The following RANBP2 variants were observed in gnomAD, a reference collection of about 807,000 sequenced individuals.
RANBP2 encodes E3 SUMO-protein ligase RanBP2.
Under a neutral mutation model 303.6 loss-of-function variants are expected in RANBP2, and 57 were observed. That is an observed-to-expected ratio of 0.19 (90% CI 0.15 to 0.23). RANBP2 has a LOEUF of 0.23. RANBP2 is among the 10% of genes least tolerant of loss of function. The pLI is 1.00. For synonymous variants in RANBP2, 1,167 were observed against 1,301.5 expected, an observed-to-expected ratio of 0.90 and a Z score of 2.23; for missense variants, 3,138 against 3,780.8, an observed-to-expected ratio of 0.83 and a Z score of 4.46.
chr2:109,544,373 A>G, the RANBP2 span: 1 of 1,552,366 alleles, frequency 6.4e-7, no homozygotes, highest in Non-Finnish European at 8.6e-7. Context: ...AAAAAATTCA[A>G]GTAAAAATTA....
chr2:109,103,489 G>T, the RANBP2 span, among the ~76,000 whole-genome samples: 1 of 152,206 alleles, frequency 6.6e-6, no homozygotes, highest in Non-Finnish European at 1.5e-5. Flanking sequence ...AGGCGGGTGG[G>T]GTGGGGGCTC....
At chr2:109,696,759 A>G in the RANBP2 span, among the ~76,000 whole-genome samples, 1 of 152,176 alleles carries the variant, frequency 6.6e-6, no homozygotes, top group Non-Finnish European at 1.5e-5. Context: ...ATTCATGAAC[A>G]TGGTACACCT....
the RANBP2 span, among the ~76,000 whole-genome samples, chr2:109,241,680 C>A: frequency 6.6e-6 from 1 of 152,116 alleles, no homozygotes; most frequent in South Asian, 2.1e-4. Flanking sequence ...GCAGTTCTCT[C>A]CCCCAGTCCC....
intron 25 of RANBP2, 36 bp downstream of exon 25, chr2:108,777,267 T>TA: frequency 7.6e-6 from 12 of 1,575,380 alleles, no homozygotes; most frequent in Non-Finnish European, 1.0e-5. Flanking sequence ...ATGACATTGT[T>TA]ACAGAATCAA....
the RANBP2 span, among the ~76,000 whole-genome samples, chr2:109,607,619 ATC>A: frequency 1.3e-5 from 2 of 152,178 alleles, no homozygotes; most frequent in African/African-American, 2.4e-5. Context: ...TAAAAATTAA[ATC>A]TGTTATTAAT....
the RANBP2 span, among the ~76,000 whole-genome samples, chr2:109,117,767 G>A: frequency 6.6e-6 from 1 of 152,214 alleles, no homozygotes; most frequent in Non-Finnish European, 1.5e-5. Flanking sequence ...GTTCCTATTC[G>A]GCCATCTTGG....
chr2:109,551,671 C>T, the RANBP2 span, among the ~76,000 whole-genome samples: 22 of 152,244 alleles, frequency 1.4e-4, no homozygotes, highest in Admixed American at 9.2e-4. Context: ...CATCAAAATT[C>T]GCATTATAAA....
chr2:109,721,914 G>A, the RANBP2 span, among the ~76,000 whole-genome samples: 158 of 152,320 alleles, frequency 1.0e-3, no homozygotes, highest in Middle Eastern at 3.4e-3. Flanking sequence ...TGGTCTCCAC[G>A]GAGCCCACTT....
At chr2:108,793,041 G>A in the RANBP2 span, among the ~76,000 whole-genome samples, 1 of 149,280 alleles carries the variant, frequency 6.7e-6, no homozygotes, top group Admixed American at 6.7e-5. Flanking sequence ...TCCAGTCTGG[G>A]CGACAGAGAG....
At chr2:108,995,191 T>C in the RANBP2 span, among the ~76,000 whole-genome samples, 11 of 152,194 alleles carry the variant, frequency 7.2e-5, no homozygotes, top group Non-Finnish European at 1.2e-4. Flanking sequence ...GACAGGGTCT[T>C]GCTCCATCAC....
chr2:109,281,974 G>A, the RANBP2 span, among the ~76,000 whole-genome samples: 3 of 152,114 alleles, frequency 2.0e-5, no homozygotes, highest in Non-Finnish European at 1.5e-5. Flanking sequence ...CAATGGCCGA[G>A]CGCTGGGCCA....
chr2:109,278,824 G>T, the RANBP2 span, among the ~76,000 whole-genome samples: 88 of 152,288 alleles, frequency 5.8e-4, no homozygotes, highest in South Asian at 1.7e-3. Context: ...ATCGGCCAAG[G>T]CAAATCGTGG....
the RANBP2 span, among the ~76,000 whole-genome samples, chr2:109,591,790 T>C: frequency 6.6e-6 from 1 of 151,894 alleles, no homozygotes; most frequent in African/African-American, 2.4e-5. Context: ...CATAGCTATT[T>C]GGGGGGCTGA....
the RANBP2 span, among the ~76,000 whole-genome samples, chr2:109,120,579 G>A: frequency 1.5e-4 from 22 of 146,488 alleles, no homozygotes; most frequent in African/African-American, 5.6e-4. Context: ...TTTCCTTCCA[G>A]TTCACGTCCA....
chr2:109,487,945 G>A, the RANBP2 span, among the ~76,000 whole-genome samples: 2 of 152,366 alleles, frequency 1.3e-5, no homozygotes, highest in East Asian at 3.9e-4. Context: ...TGATTCTAGA[G>A]GGGAGCCTAG....
At chr2:109,593,154 G>T in the RANBP2 span, 1 of 1,431,870 alleles carries the variant, frequency 7.0e-7, no homozygotes, top group Non-Finnish European at 9.7e-7. Flanking sequence ...AAAGGAAACA[G>T]AAACATTACT....
intron 5 of RANBP2, 72 bp downstream of exon 5, chr2:108,735,834 C>T (rs1695536231): frequency 6.3e-7 from 1 of 1,596,574 alleles, no homozygotes; most frequent in Non-Finnish European, 8.5e-7. Context: ...ACTAAAGCAG[C>T]AGTGCCCCGC....
chr2:108,890,409 A>T, the RANBP2 span, among the ~76,000 whole-genome samples: 1 of 151,616 alleles, frequency 6.6e-6, no homozygotes, highest in East Asian at 1.9e-4. Flanking sequence ...ATGCCTGGCT[A>T]ATGTTTTGTG....
the RANBP2 span, among the ~76,000 whole-genome samples, chr2:109,247,810 G>C: frequency 1.3e-5 from 2 of 152,128 alleles, no homozygotes; most frequent in Non-Finnish European, 2.9e-5. Context: ...GTGTTGGCTG[G>C]GGTTACTGGG....
Sources: gnomAD v4.1 joint callset for allele counts (sites outside exome capture counted in the v4.1 genomes callset) on GRCh38, gnomAD v4.1.1 for gene constraint, MANE v1.5 for transcripts, NCBI Gene and HGNC (gene_info 2026-07-23, HGNC 2026-07-21) for gene names.